KLF7: variants seen among roughly 807,000 people sequenced by gnomAD.
KLF7 encodes KLF transcription factor 7.
A neutral mutation model predicts 27.3 loss-of-function variants in KLF7; 2 were observed. The ratio of observed to expected loss-of-function variants is 0.07; its 90% confidence interval spans 0.03 to 0.23. The LOEUF is 0.23. Among genes scored for constraint, KLF7 ranks in the 10% least tolerant of loss-of-function variants. The pLI, the probability that KLF7 is intolerant of heterozygous loss-of-function variation, is 1.00. For missense variants in KLF7, 221 were observed against 394.1 expected (o/e 0.56, Z 3.72); for synonymous variants, 165 against 162.4 (o/e 1.02, Z -0.12).
rs571841746 is a variant in KLF7 at position 207,140,101 on chromosome 2, A to T, written c.103-15697T>A. ...ATGGGGTTTCACCATGTTGGCCAAG[A>T]TGGTCTCAATCTCTTGACCTCGTGG... is the stretch of plus-strand genomic sequence containing the variant. On this transcript the variant is annotated intron_variant, in intron 1 of 3. Coordinates refer to ENST00000309446, the MANE Select transcript of KLF7 (RefSeq NM_003709.4). 2.4e-3 allele frequency among the ~76,000 whole-genome samples: 361 copies of T among 152,158 alleles called. 2 individuals carry two copies. The highest frequency in any genetic ancestry group is 3.8e-3 in the Non-Finnish European group (260 of 67,984).
intron 1 of KLF7, among the ~76,000 whole-genome samples, chr2:207,127,599 T>C (rs1477157550): frequency 6.6e-6 from 1 of 152,154 alleles, no homozygotes; most frequent in Non-Finnish European, 1.5e-5. Context: ...CCTAACACTT[T>C]GGGAGGTTGA....
At chr2:207,166,202 A>T (rs1430899048), upstream of KLF7, 1 of 983,298 alleles carries the variant, frequency 1.0e-6, no homozygotes, top group Non-Finnish European at 1.2e-6. Flanking sequence ...TGTAAGGTAA[A>T]CAGGGGGCTC....
chr2:207,171,509 G>A (rs2078785727), upstream of KLF7, among the ~76,000 whole-genome samples: 1 of 152,184 alleles, frequency 6.6e-6, no homozygotes, highest in Non-Finnish European at 1.5e-5. Flanking sequence ...AGAGAAACCT[G>A]TCATGAAAGG....
intron 1 of KLF7, among the ~76,000 whole-genome samples, chr2:207,158,829 T>C (rs2078461202): frequency 6.6e-6 from 1 of 152,128 alleles, no homozygotes; most frequent in South Asian, 2.1e-4. Context: ...CTTGCCTCCT[T>C]TGAAGGCAAA....
At chr2:207,099,305 T>C (rs898667901) in intron 2 of KLF7, among the ~76,000 whole-genome samples, 2 of 151,686 alleles carry the variant, frequency 1.3e-5, no homozygotes, top group African/African-American at 4.8e-5. Context: ...GGACTGTGTG[T>C]CTGTGAACCA....
rs797001937 is a variant in KLF7, at chr2:207,126,756, T to A, written c.103-2352A>T. Among the ~76,000 whole-genome samples the A allele has an allele frequency of 1.5e-4, 22 of 150,806 alleles. 1 individual carries two copies. The highest frequency in any genetic ancestry group is 5.4e-4 in the African/African-American group (22 of 40,984). ...AGTTCAAGGTTGCAGTGAGCTATGG[T>A]CGTACCACTGCACTCCAGCCCTCTG... On this transcript the variant is annotated intron_variant, in intron 1 of 3. Coordinates refer to ENST00000309446, the MANE Select transcript of KLF7 (RefSeq NM_003709.4).
At chr2:207,166,170 T>G (rs916906480), upstream of KLF7, 3 of 985,024 alleles carry the variant, frequency 3.0e-6, no homozygotes, top group South Asian at 1.4e-4. Flanking sequence ...GAGGAGGGCG[T>G]CCATTAGGCC....
chr2:207,171,793 T>C (rs1371949900), upstream of KLF7, among the ~76,000 whole-genome samples: 2 of 152,238 alleles, frequency 1.3e-5, no homozygotes, highest in Non-Finnish European at 2.9e-5. Context: ...ATAACTCATA[T>C]GCACTGGGAA....
chr2:207,134,015 G>GCA, intron 1 of KLF7: 1 of 1,421,246 alleles, frequency 7.0e-7, no homozygotes, highest in East Asian at 2.5e-5. Context: ...TGTTAACTTT[G>GCA]CACACACACT....
intron 2 of KLF7, among the ~76,000 whole-genome samples, chr2:207,093,059 A>G (rs1236659398): frequency 6.6e-6 from 1 of 152,124 alleles, no homozygotes; most frequent in Non-Finnish European, 1.5e-5. Flanking sequence ...AGTCAAAGCA[A>G]TCCTTTGAAA....
chr2:207,170,385 T>G (rs2078776971), upstream of KLF7, among the ~76,000 whole-genome samples: 3 of 152,262 alleles, frequency 2.0e-5, no homozygotes, highest in Admixed American at 1.3e-4. Flanking sequence ...AAAAGTCATC[T>G]CCATGACATT....
intron 1 of KLF7, among the ~76,000 whole-genome samples, chr2:207,129,346 A>T (rs1344876783): frequency 6.6e-6 from 1 of 152,192 alleles, no homozygotes; most frequent in Non-Finnish European, 1.5e-5. Flanking sequence ...ACCTAACCAT[A>T]CAACTTAAGG....
At chr2:207,107,933 A>T (rs369804353) in intron 2 of KLF7, among the ~76,000 whole-genome samples, 3 of 152,270 alleles carry the variant, frequency 2.0e-5, no homozygotes, top group East Asian at 1.9e-4. Flanking sequence ...CAAAGATTTA[A>T]CGCCTCAATA....
chr2:207,117,090 T>C (rs557590008), intron 2 of KLF7, among the ~76,000 whole-genome samples: 1 of 152,338 alleles, frequency 6.6e-6, no homozygotes, highest in South Asian at 2.1e-4. Context: ...AACATACTTA[T>C]TTGCTTTGTG....
chr2:207,082,390 G>T (rs1333014262), intron 3 of KLF7, among the ~76,000 whole-genome samples: 1 of 152,182 alleles, frequency 6.6e-6, no homozygotes, highest in Non-Finnish European at 1.5e-5. Context: ...AGAAAAAGGG[G>T]TTCTGGGGGA....
chr2:207,134,143 G>T, intron 1 of KLF7: 1 of 1,472,952 alleles, frequency 6.8e-7, no homozygotes, highest in Non-Finnish European at 8.9e-7. Flanking sequence ...AGGCTGACTC[G>T]GGCTACTGGG....
rs1384113694 is a variant in KLF7, at chr2:207,076,894, A to C, written c.*4319T>G. ...AGTAAATTTCAATCAGGTTCTATTT[A>C]CTGAATGTTCATTTTGGCAATGTTC... On this transcript the variant is annotated 3_prime_UTR_variant, in exon 4 of 4. Transcript: ENST00000309446. 6.6e-6 allele frequency: 1 copy of C among 152,218 alleles called. No individual in the cohort carries two copies. Among genetic ancestry groups the C allele is most frequent in the Non-Finnish European group, 1.5e-5 (1 of 68,046 alleles). 9.4% of individuals were successfully genotyped at this position (152,218 alleles called of 1,614,324 possible).
At chr2:207,092,700 C>T (rs1181088551) in intron 2 of KLF7, among the ~76,000 whole-genome samples, 1 of 152,122 alleles carries the variant, frequency 6.6e-6, no homozygotes, top group Non-Finnish European at 1.5e-5. Flanking sequence ...GGTCACTCTC[C>T]CTATATCGTG....
At chr2:207,157,952 G>C (rs1361228919) in intron 1 of KLF7, among the ~76,000 whole-genome samples, 1 of 152,166 alleles carries the variant, frequency 6.6e-6, no homozygotes, top group African/African-American at 2.4e-5. Context: ...AGGGGTTTAG[G>C]ACATATTCAG....
Sources: allele counts gnomAD v4.1 joint callset (sites outside exome capture counted in the v4.1 genomes callset), GRCh38; gene constraint gnomAD v4.1.1; transcripts MANE v1.5; gene names NCBI Gene and HGNC (gene_info 2026-07-23, HGNC 2026-07-21).